The following TNFAIP8L3 variants were observed in gnomAD, a reference collection of about 807,000 sequenced individuals.
TNFAIP8L3 encodes the protein tumor necrosis factor alpha-induced protein 8-like protein 3.
TNFAIP8L3 carries 7 observed loss-of-function variants against 11.8 expected under a neutral mutation model. The ratio of observed to expected loss-of-function variants is 0.59; its 90% CI spans 0.34 to 1.11. TNFAIP8L3 has a LOEUF of 1.11. Ranked by LOEUF, TNFAIP8L3 falls within the 50% of genes most tolerant of loss-of-function variation. The pLI is 0.03. For missense variants in TNFAIP8L3, 219 were observed against 258.6 expected, an observed-to-expected ratio of 0.85 and a Z score of 1.05; for synonymous variants, 98 against 103.8, an observed-to-expected ratio of 0.94 and a Z score of 0.34.
At chr15:51,063,313 C>A (rs2065251684) in intron 1 of TNFAIP8L3, among the ~76,000 whole-genome samples, 1 of 152,158 alleles carries the variant, frequency 6.6e-6, no homozygotes, top group Admixed American at 6.5e-5. Context: ...ACCAAATGCC[C>A]AGTTTTCCAG....
chr15:51,070,310 G>A (rs1382994177), intron 1 of TNFAIP8L3, among the ~76,000 whole-genome samples: 1 of 152,146 alleles, frequency 6.6e-6, no homozygotes, highest in African/African-American at 2.4e-5. Context: ...CTACTTACAT[G>A]ATTTCTTTAA....
intron 1 of TNFAIP8L3, among the ~76,000 whole-genome samples, chr15:51,061,457 T>C (rs2065241953): frequency 1.3e-5 from 2 of 152,276 alleles, no homozygotes; most frequent in South Asian, 4.1e-4. Flanking sequence ...ATCATTCTTT[T>C]AAATGTGTCC....
At chr15:51,066,126 G>A (rs1376319551) in intron 1 of TNFAIP8L3, among the ~76,000 whole-genome samples, 2 of 149,708 alleles carry the variant, frequency 1.3e-5, no homozygotes, top group Non-Finnish European at 3.0e-5. Flanking sequence ...TTAAGACGGA[G>A]CAGGCTCACA....
chr15:51,080,473 T>C (rs1036780768), intron 1 of TNFAIP8L3, among the ~76,000 whole-genome samples: 13 of 152,152 alleles, frequency 8.5e-5, no homozygotes, highest in Admixed American at 3.3e-4. Flanking sequence ...AGTCTGGGCA[T>C]GTTTCTCTTG....
Position 51,094,672 on chromosome 15 carries a change from G to A in TNFAIP8L3, c.-77C>T. ...CTCGGGCAGCCGCGGCGCACTCAGGGCGGACAGCGGGGCGGCTGGAGCCCG... is the reference window on the plus strand; with the variant it reads ...CTCGGGCAGCCGCGGCGCACTCAGGACGGACAGCGGGGCGGCTGGAGCCCG... On this transcript the variant is annotated 5_prime_UTR_variant, in exon 1 of 2. Coordinates refer to ENST00000637513, the MANE Select transcript of TNFAIP8L3 (RefSeq NM_001311175.2). This position sits in a 1 kb window ranked among gnomAD's most constrained non-coding sequence, Gnocchi z 4.4. The A allele has an allele frequency of 8.1e-7, 1 of 1,236,092 alleles. No individual in the cohort carries two copies. Among genetic ancestry groups the A allele is most frequent in the South Asian group, 3.3e-5 (1 of 30,720 alleles). 76.6% of individuals were successfully genotyped at this position (1,236,092 alleles called of 1,614,324 possible).
chr15:51,086,268 C>T (rs1380044246), intron 1 of TNFAIP8L3, among the ~76,000 whole-genome samples: 4 of 152,232 alleles, frequency 2.6e-5, no homozygotes, highest in East Asian at 3.8e-4. Flanking sequence ...ACGGCTGGAG[C>T]GTCCTTCTAG....
Position 51,057,974 on chromosome 15 carries a change from G to A in TNFAIP8L3, c.522C>T (p.Leu174=). 6.2e-7 allele frequency: 1 copy of A among 1,614,216 alleles called. No individual in the cohort carries two copies. The highest frequency in any genetic ancestry group is 1.1e-5 in the South Asian group (1 of 91,082). Reference sequence around the variant, plus strand: ...CTCCATCCAGACTATAGAGGGTGGAGAGGAACTCCACATCGGCAAAGTGGT... The same window carrying A: ...CTCCATCCAGACTATAGAGGGTGGAAAGGAACTCCACATCGGCAAAGTGGT... The part of the protein sequence containing the change: ...VFNHFADVEF[L]STLYSLDGDC... The change falls in exon 2 of 2, where the codon CTC becomes CTT. Residue 174 remains leucine (L), a synonymous_variant. Coordinates refer to ENST00000637513, the MANE Select transcript of TNFAIP8L3 (RefSeq NM_001311175.2).
chr15:51,066,540 G>A (rs2065273656), intron 1 of TNFAIP8L3, among the ~76,000 whole-genome samples: 1 of 152,178 alleles, frequency 6.6e-6, no homozygotes, highest in Non-Finnish European at 1.5e-5. Context: ...AACCTGTCAC[G>A]TCTCTCATGC....
At chr15:51,068,916 C>T (rs1358050273) in intron 1 of TNFAIP8L3, among the ~76,000 whole-genome samples, 1 of 152,068 alleles carries the variant, frequency 6.6e-6, no homozygotes, top group Non-Finnish European at 1.5e-5. Flanking sequence ...TCCGCCCCCT[C>T]GGCCTCCCAA....
intron 1 of TNFAIP8L3, chr15:51,104,910 G>T: frequency 1.3e-6 from 2 of 1,494,974 alleles, no homozygotes; most frequent in Non-Finnish European, 1.9e-6. Context: ...TCAGATGCCA[G>T]CTCTGTGCAT....
In TNFAIP8L3 at chr15:51,058,189, C is replaced by A; in HGVS notation, c.307G>T (p.Val103Phe). ...RNNQFSQEEL[V>F]IVEKFRKKLN... ...TTCTTCCGGAACTTCTCCACAATAA[C>A]CAGCTCCTCTTGGCTAAACTGGTTG... Residue 103 changes from valine to phenylalanine, a missense_variant, in exon 2 of 2, where the codon GTT becomes TTT. Val to Phe is a conservative substitution (Grantham distance 50). Coordinates refer to ENST00000637513, the MANE Select transcript of TNFAIP8L3 (RefSeq NM_001311175.2). The A allele has an allele frequency of 1.9e-6, 3 of 1,614,224 alleles. No homozygotes were observed. The highest frequency in any genetic ancestry group is 2.5e-6 in the Non-Finnish European group (3 of 1,180,046).
intron 1 of TNFAIP8L3, among the ~76,000 whole-genome samples, chr15:51,101,945 CAAAAAAA>C (rs11297566): frequency 1.2e-5 from 1 of 85,720 alleles, no homozygotes; most frequent in South Asian, 4.2e-4. Flanking sequence ...GACTCTGTCT[CAAAAAAA>C]AAAAAAAAAA....
chr15:51,074,083 C>G (rs554775917), intron 1 of TNFAIP8L3, among the ~76,000 whole-genome samples: 1 of 152,296 alleles, frequency 6.6e-6, no homozygotes, highest in Admixed American at 6.5e-5. Flanking sequence ...CATTTTGCAA[C>G]TATACTCAAA....
At chr15:51,062,118 A>C (rs1210391639) in intron 1 of TNFAIP8L3, among the ~76,000 whole-genome samples, 1 of 152,104 alleles carries the variant, frequency 6.6e-6, no homozygotes, top group African/African-American at 2.4e-5. Context: ...TAGGAAAAAT[A>C]CAAAAATTAG....
rs2065495750 is a variant in TNFAIP8L3 at position 51,094,445 on chromosome 15, G to A, written c.52+99C>T. On this transcript the variant is annotated intron_variant, in intron 1 of 1. Coordinates refer to ENST00000637513, the MANE Select transcript of TNFAIP8L3 (RefSeq NM_001311175.2). This position sits in a 1 kb window ranked among gnomAD's most constrained non-coding sequence, Gnocchi z 4.4. ...CAATCCCCAGTCTTGGCCTGGAAGG[G>A]GTCGGGCTGCTGAGGATCGGCTTCC... 1 of 1,278,988 alleles carries A rather than the reference G, an allele frequency of 7.8e-7. No individual in the cohort carries two copies. Among genetic ancestry groups the A allele is most frequent in the Non-Finnish European group, 1.0e-6 (1 of 994,542 alleles). The allele number at this position is 1,278,988 out of a possible 1,614,324, so 79.2% of individuals were successfully genotyped here.
chr15:51,105,240 T>C, exon 1 of TNFAIP8L3: 1 of 1,551,360 alleles, frequency 6.4e-7, no homozygotes, highest in South Asian at 1.2e-5. Context: ...TTAGGAGGTC[T>C]GGTCGTTTCC....
chr15:51,102,253 C>T (rs573914465), intron 1 of TNFAIP8L3, among the ~76,000 whole-genome samples: 157 of 152,234 alleles, frequency 1.0e-3, no homozygotes, highest in African/African-American at 3.5e-3. Flanking sequence ...TGCTGACTCT[C>T]CTCCTGCGCA....
rs1457139651 is a variant in TNFAIP8L3 at position 51,101,819 on chromosome 15, G to T, written c.172+3186C>A. 3.3e-5 allele frequency among the ~76,000 whole-genome samples: 5 copies of T among 150,478 alleles called. No homozygotes were observed. In the South Asian group the frequency reaches 1.1e-3, roughly 32 times the overall value. On this transcript the variant is annotated intron_variant, in intron 1 of 2. Transcript: ENST00000327536. Reference sequence around the variant, plus strand: ...AAATTAGCGAGGCGTGATGGCGGGCGCCTGTAGTCCCAGCTACTCGGGAGG... The same window carrying T: ...AAATTAGCGAGGCGTGATGGCGGGCTCCTGTAGTCCCAGCTACTCGGGAGG...
intron 1 of TNFAIP8L3, among the ~76,000 whole-genome samples, chr15:51,067,406 G>A (rs546626044): frequency 2.0e-5 from 3 of 150,790 alleles, no homozygotes; most frequent in South Asian, 4.2e-4. Flanking sequence ...GCAGCTTGTG[G>A]GACTCATGGG....
Sources: gnomAD v4.1 joint callset for allele counts (sites outside exome capture counted in the v4.1 genomes callset) on GRCh38, gnomAD v4.1.1 for gene constraint, Gnocchi (gnomAD v3.1) non-coding constraint, MANE v1.5 for transcripts, NCBI Gene and HGNC (gene_info 2026-07-23, HGNC 2026-07-21) for gene names.